The following XKR9 variants were observed in gnomAD, a reference collection of about 807,000 sequenced individuals.
XKR9 encodes XK related 9.
A neutral mutation model predicts 32.0 loss-of-function variants in XKR9; 32 were observed. That is an observed-to-expected ratio of 1.00 (90% CI 0.76 to 1.34). XKR9 has a LOEUF of 1.34. Ranked by LOEUF, XKR9 falls within the 40% of genes most tolerant of loss-of-function variation. The probability of loss-of-function intolerance (pLI) is 0.00; values close to 1 mark genes in which losing one functional copy is unlikely to be tolerated. For synonymous variants in XKR9, 168 were observed against 143.4 expected (o/e 1.17, Z -1.22); for missense variants, 546 against 429.7 (o/e 1.27, Z -2.39).
At chr8:71,051,523 GGTGGGGT>G in the XKR9 span, among the ~76,000 whole-genome samples, 3 of 66,438 alleles carry the variant, frequency 4.5e-5, no homozygotes, top group Admixed American at 1.2e-4. Flanking sequence ...CGGTGGTGGT[GGTGGGGT>G]GTGTGTGTGT....
chr8:70,899,393 T>C, the XKR9 span, among the ~76,000 whole-genome samples: 2 of 151,672 alleles, frequency 1.3e-5, no homozygotes, highest in South Asian at 4.2e-4. Context: ...CTCAACTCAC[T>C]GGGATCCCTT....
intron 4 of XKR9, among the ~76,000 whole-genome samples, chr8:70,732,605 G>A (rs907194117): frequency 9.8e-5 from 15 of 152,324 alleles, no homozygotes; most frequent in African/African-American, 3.1e-4. Flanking sequence ...ATCATGATGG[G>A]AATTACAATA....
the XKR9 span, among the ~76,000 whole-genome samples, chr8:70,907,107 A>G: frequency 2.0e-5 from 3 of 152,170 alleles, no homozygotes; most frequent in South Asian, 2.1e-4. Context: ...TGAATCATGT[A>G]TGCTTCAAAA....
At chr8:70,688,617 C>T (rs1256860581) in intron 3 of XKR9, among the ~76,000 whole-genome samples, 3 of 151,896 alleles carry the variant, frequency 2.0e-5, no homozygotes, top group East Asian at 3.9e-4. Flanking sequence ...GGGGTTTCAC[C>T]ATGTTAGCCA....
chr8:70,784,993 A>T (rs865985600), intron 2 of XKR9, among the ~76,000 whole-genome samples: 2 of 151,742 alleles, frequency 1.3e-5, no homozygotes, highest in Middle Eastern at 6.8e-3. Context: ...TGTTAATGTG[A>T]TGTATCACAT....
chr8:71,044,236 T>C, the XKR9 span, among the ~76,000 whole-genome samples: 92,307 of 152,096 alleles, frequency 0.61, 29,859 homozygotes, highest in East Asian at 0.94. Context: ...TTAAATCTCC[T>C]CAAAAAAGAC....
chr8:70,810,484 A>G, the XKR9 span, among the ~76,000 whole-genome samples: 2 of 152,366 alleles, frequency 1.3e-5, no homozygotes, highest in African/African-American at 4.8e-5. Context: ...CAATTAAAAG[A>G]CACAGACTGG....
chr8:70,794,519 T>C (rs1807803924), downstream of XKR9, among the ~76,000 whole-genome samples: 1 of 152,062 alleles, frequency 6.6e-6, no homozygotes, highest in Non-Finnish European at 1.5e-5. Flanking sequence ...ATTGAGAAAG[T>C]TCTGTTTTCC....
At chr8:70,948,641 G>C in the XKR9 span, among the ~76,000 whole-genome samples, 3 of 152,134 alleles carry the variant, frequency 2.0e-5, no homozygotes, top group African/African-American at 7.2e-5. Context: ...TGACATAACC[G>C]AGCCTGCCGG....
the XKR9 span, among the ~76,000 whole-genome samples, chr8:70,934,770 A>G: frequency 6.6e-6 from 1 of 151,960 alleles, no homozygotes; most frequent in Non-Finnish European, 1.5e-5. Context: ...GAAATGGCAA[A>G]GGCAGAGTCC....
At chr8:70,681,459 T>G in intron 3 of XKR9, 129 bp downstream of exon 3, 1 of 1,132,578 alleles carries the variant, frequency 8.8e-7, no homozygotes, top group Non-Finnish European at 1.3e-6. Context: ...GGTTACTTGC[T>G]CCTCACTATT....
chr8:71,044,122 T>C, the XKR9 span, among the ~76,000 whole-genome samples: 1 of 152,234 alleles, frequency 6.6e-6, no homozygotes, highest in Non-Finnish European at 1.5e-5. Flanking sequence ...GCTGAACATA[T>C]GCTTATGCCT....
At chr8:70,774,948 T>C (rs140264890) in intron 2 of XKR9, among the ~76,000 whole-genome samples, 1 of 152,282 alleles carries the variant, frequency 6.6e-6, no homozygotes, top group Non-Finnish European at 1.5e-5. Context: ...AGGACTGTAT[T>C]GAATCTTTGG....
the XKR9 span, among the ~76,000 whole-genome samples, chr8:70,930,077 T>C: frequency 0.061 from 9,332 of 152,270 alleles, 387 homozygotes; most frequent in Non-Finnish European, 0.084. Context: ...TATGAACTTG[T>C]AGTGGGTAGA....
intron 3 of XKR9, among the ~76,000 whole-genome samples, chr8:70,688,565 C>T (rs1053849699): frequency 2.6e-5 from 4 of 151,970 alleles, no homozygotes; most frequent in African/African-American, 7.2e-5. Flanking sequence ...TACGGGTGCC[C>T]GCCACCACGC....
At chr8:71,032,010 T>G in the XKR9 span, among the ~76,000 whole-genome samples, 1 of 152,136 alleles carries the variant, frequency 6.6e-6, no homozygotes, top group Admixed American at 6.5e-5. Flanking sequence ...GAAAACACTG[T>G]GGGGCTGGGC....
At chr8:70,942,639 C>A in the XKR9 span, among the ~76,000 whole-genome samples, 1 of 152,118 alleles carries the variant, frequency 6.6e-6, no homozygotes, top group Non-Finnish European at 1.5e-5. Context: ...GAGTTTAAAT[C>A]ACACTTACTT....
the XKR9 span, among the ~76,000 whole-genome samples, chr8:71,011,193 A>G: frequency 1.3e-5 from 2 of 152,118 alleles, no homozygotes; most frequent in African/African-American, 4.8e-5. Context: ...CGAGCAAAAT[A>G]TGATTTATAG....
At chr8:70,680,289 A>C (rs950619298) in intron 2 of XKR9, among the ~76,000 whole-genome samples, 1 of 152,094 alleles carries the variant, frequency 6.6e-6, no homozygotes, top group African/African-American at 2.4e-5. Flanking sequence ...TCATTTAGGT[A>C]GTTTTCAATA....
Sources: gnomAD v4.1 joint callset for allele counts (sites outside exome capture counted in the v4.1 genomes callset) on GRCh38, gnomAD v4.1.1 for gene constraint, MANE v1.5 for transcripts, NCBI Gene and HGNC (gene_info 2026-07-23, HGNC 2026-07-21) for gene names.